The following ARHGAP21 variants were observed in gnomAD, a reference collection of about 807,000 sequenced individuals.
The protein encoded by ARHGAP21 is Rho GTPase activating protein 21, also known as rho GTPase-activating protein 21.
A neutral mutation model predicts 164.6 loss-of-function variants in ARHGAP21; 38 were observed. That is an observed-to-expected ratio of 0.23 (90% CI 0.18 to 0.30). The LOEUF is 0.30. Ranked by LOEUF, ARHGAP21 falls within the 10% of genes least tolerant of loss-of-function variation. ARHGAP21 has a pLI of 1.00. For missense variants in ARHGAP21, 1,822 were observed against 2,370.7 expected (o/e 0.77, Z 4.81); for synonymous variants, 766 against 857.9 (o/e 0.89, Z 1.87).
chr10:24,699,924 C>T (rs1335022876), intron 2 of ARHGAP21, among the ~76,000 whole-genome samples: 5 of 152,192 alleles, frequency 3.3e-5, no homozygotes, highest in African/African-American at 7.2e-5. Context: ...ATTCAACTAA[C>T]GTTCCTGCGG....
At chr10:24,691,811 T>C (rs978154740) in intron 2 of ARHGAP21, among the ~76,000 whole-genome samples, 5 of 152,116 alleles carry the variant, frequency 3.3e-5, no homozygotes, top group African/African-American at 7.2e-5. Flanking sequence ...CCAGAGAAGG[T>C]TGAACAATGA....
At position 24,620,036 on chromosome 10, in the gene ARHGAP21, T is replaced by A; in HGVS notation, c.1859A>T (p.Lys620Ile). The A allele has an allele frequency of 6.2e-7, 1 of 1,613,980 alleles. No homozygotes were observed. Among genetic ancestry groups the A allele is most frequent in the Non-Finnish European group, 8.5e-7 (1 of 1,179,852 alleles). Residue 620 changes from lysine (K) to isoleucine (I), a missense_variant, in exon 9 of 26, where the codon AAA becomes ATA. By Grantham distance (102) the Lys-to-Ile change is moderately radical (BLOSUM62 -3). Around this residue, in one of 5 missense-constraint regions of ARHGAP21, gnomAD observed 1,090 missense variants for 1,378.9 expected, o/e 0.79. Coordinates refer to ENST00000396432, the MANE Select transcript of ARHGAP21 (RefSeq NM_020824.4). ...GISQDRSPLV[K>I]VRSNSLKAPS... ...AGCTTTCAGAGAATTACTTCGGACT[T>A]TCACAAGAGGTGACCTGTCTTGTGA...
At chr10:24,650,993 C>T (rs766467185) in intron 4 of ARHGAP21, among the ~76,000 whole-genome samples, 3 of 151,824 alleles carry the variant, frequency 2.0e-5, no homozygotes, top group Admixed American at 6.6e-5. Flanking sequence ...TCAGGGCCAG[C>T]CAAGGAAAAG....
chr10:24,640,716 A>G (rs973260602), intron 4 of ARHGAP21, among the ~76,000 whole-genome samples: 5 of 152,204 alleles, frequency 3.3e-5, no homozygotes, highest in African/African-American at 9.6e-5. Context: ...AGACTGAAAT[A>G]CATAGCAAAG....
At chr10:24,618,771 C>G (rs894671453) in intron 9 of ARHGAP21, among the ~76,000 whole-genome samples, 1 of 151,978 alleles carries the variant, frequency 6.6e-6, no homozygotes, top group Non-Finnish European at 1.5e-5. Flanking sequence ...TTTCAGATCA[C>G]GGGAGGATTT....
At chr10:24,688,964 A>T (rs1236822744) in intron 2 of ARHGAP21, among the ~76,000 whole-genome samples, 1 of 152,196 alleles carries the variant, frequency 6.6e-6, no homozygotes, top group African/African-American at 2.4e-5. Context: ...CAAATATTGA[A>T]TACTGTATAC....
In ARHGAP21 at chr10:24,595,143, C is replaced by G; in HGVS notation, c.3760G>C (p.Asp1254His). ...IEANRKEDPLDRLKTLKRLIH... is the reference protein window; with the variant it reads ...IEANRKEDPLHRLKTLKRLIH... Reference sequence around the variant, plus strand: ...AGTCTTTTTAATGTTTTCAGACGATCTAGAGGATCTTCTTTACGATTGGCT... The same window carrying G: ...AGTCTTTTTAATGTTTTCAGACGATGTAGAGGATCTTCTTTACGATTGGCT... Residue 1254 changes from aspartate (D) to histidine (H), a missense_variant, in exon 20 of 26, where the codon GAT becomes CAT. Physicochemically the swap from Asp to His is moderately conservative, Grantham distance 81. Around this residue, in one of 5 missense-constraint regions of ARHGAP21, gnomAD observed 117 missense variants for 238.1 expected, o/e 0.49. Coordinates refer to ENST00000396432, the MANE Select transcript of ARHGAP21 (RefSeq NM_020824.4). 4 of 1,611,326 alleles carry G rather than the reference C, an allele frequency of 2.5e-6. No homozygotes were observed. The highest frequency in any genetic ancestry group is 3.4e-6 in the Non-Finnish European group (4 of 1,179,244).
intron 21 of ARHGAP21, among the ~76,000 whole-genome samples, chr10:24,592,373 G>A (rs199749001): frequency 6.6e-6 from 1 of 151,868 alleles, no homozygotes; most frequent in Non-Finnish European, 1.5e-5. Context: ...TGTACAAAAC[G>A]TTTTTTCTGC....
chr10:24,590,229 G>A, intron 24 of ARHGAP21: 1 of 1,468,036 alleles, frequency 6.8e-7, no homozygotes, highest in Non-Finnish European at 9.0e-7. Context: ...CTCAGGGTCT[G>A]CTTCAGAAAT....
At chr10:24,713,344 T>C (rs1388013325) in intron 2 of ARHGAP21, among the ~76,000 whole-genome samples, 3 of 152,128 alleles carry the variant, frequency 2.0e-5, no homozygotes, top group Admixed American at 2.0e-4. Context: ...AGTAACCAAT[T>C]CTGAATCAAA....
At chr10:24,689,497 T>A (rs1305182291) in intron 2 of ARHGAP21, among the ~76,000 whole-genome samples, 1 of 152,094 alleles carries the variant, frequency 6.6e-6, no homozygotes, top group African/African-American at 2.4e-5. Context: ...TCCAACACTT[T>A]GGGAGGCCAA....
intron 4 of ARHGAP21, among the ~76,000 whole-genome samples, chr10:24,659,767 G>A (rs993913171): frequency 5.9e-5 from 9 of 152,110 alleles, no homozygotes; most frequent in Admixed American, 3.9e-4. Context: ...GCCTCCCAAA[G>A]TGCTGGGATT....
At position 24,595,163 on chromosome 10, in the gene ARHGAP21, T is replaced by C. The variant is rs537787071; in HGVS notation, c.3740A>G (p.Asn1247Ser). ...ACGATCTAGAGGATCTTCTTTACGA[T>C]TGGCTTCAATAAAATCAGCATATTT... The part of the protein sequence containing the change: ...NDKYADFIEA[N>S]RKEDPLDRLK... The change falls in exon 20 of 26, where the codon AAT (asparagine) becomes AGT (serine). Residue 1247 changes from asparagine to serine, a missense_variant. Physicochemically the swap from Asn to Ser is conservative, Grantham distance 46. This residue lies in a region of ARHGAP21 where 117 missense variants were observed against 238.1 expected (regional missense o/e 0.49). Coordinates refer to ENST00000396432, the MANE Select transcript of ARHGAP21 (RefSeq NM_020824.4). 2.5e-5 allele frequency: 41 copies of C among 1,612,184 alleles called. No homozygotes were observed. The South Asian group carries it at 3.8e-4, about 15-fold the overall frequency.
chr10:24,635,324 C>T (rs539607033), intron 4 of ARHGAP21, among the ~76,000 whole-genome samples: 1 of 152,254 alleles, frequency 6.6e-6, no homozygotes, highest in African/African-American at 2.4e-5. Context: ...CACTGTAATG[C>T]TTTCCATTTA....
At chr10:24,702,676 T>TC (rs1454339523) in intron 2 of ARHGAP21, among the ~76,000 whole-genome samples, 4 of 152,032 alleles carry the variant, frequency 2.6e-5, no homozygotes, top group Non-Finnish European at 5.9e-5. Context: ...AACCTCCACT[T>TC]CCCCGGCTCA....
intron 2 of ARHGAP21, among the ~76,000 whole-genome samples, chr10:24,707,913 T>C (rs1440815674): frequency 2.6e-5 from 4 of 152,206 alleles, no homozygotes; most frequent in Non-Finnish European, 5.9e-5. Flanking sequence ...AAGCACCTTT[T>C]AAACTAAAAG....
chr10:24,689,946 ATGTGTG>A (rs58990664), intron 2 of ARHGAP21, among the ~76,000 whole-genome samples: 4 of 76,550 alleles, frequency 5.2e-5, no homozygotes, highest in East Asian at 3.4e-4. Flanking sequence ...ATATATGTAT[ATGTGTG>A]TGTGTGTGTG....
At chr10:24,716,521 G>C (rs1845402888) in intron 2 of ARHGAP21, among the ~76,000 whole-genome samples, 1 of 152,366 alleles carries the variant, frequency 6.6e-6, no homozygotes, top group East Asian at 1.9e-4. Context: ...GACCAGAATG[G>C]CTAGCACAGA....
At chr10:24,628,952 CTATATATATATATATATATA>C (rs71397962) in intron 7 of ARHGAP21, 2 of 13,764 alleles carry the variant, frequency 1.5e-4, no homozygotes, top group Non-Finnish European at 2.2e-4. Flanking sequence ...CACACACACA[CTATATATATATATATATATA>C]TATATATATA....
Sources: allele counts gnomAD v4.1 joint callset (sites outside exome capture counted in the v4.1 genomes callset), GRCh38; gene constraint gnomAD v4.1.1; regional missense constraint gnomAD v4.1.1; transcripts MANE v1.5; gene names NCBI Gene and HGNC (gene_info 2026-07-23, HGNC 2026-07-21).